The following MOB4 variants were observed in gnomAD, a reference collection of about 807,000 sequenced individuals.
MOB4 encodes the protein MOB-like protein phocein.
Under a neutral mutation model 32.2 loss-of-function variants are expected in MOB4, and 4 were observed. That is an observed-to-expected ratio of 0.12 (90% CI 0.06 to 0.28). MOB4 has a LOEUF of 0.28. Among genes scored for constraint, MOB4 ranks in the 10% least tolerant of loss-of-function variants. The probability of loss-of-function intolerance (pLI) is 1.00; values close to 1 mark genes in which losing one functional copy is unlikely to be tolerated. For synonymous variants in MOB4, 88 were observed against 88.1 expected (o/e 1.00, Z 0.01); for missense variants, 158 against 271.2 (o/e 0.58, Z 2.93).
intron 1 of MOB4, chr2:197,516,644 C>T (rs1361651256): frequency 2.1e-6 from 1 of 472,122 alleles, no homozygotes; most frequent in Admixed American, 2.3e-5. Flanking sequence ...TAGCCGGATC[C>T]GGGTGCCGAT....
intron 4 of MOB4, 76 bp from the exon 5 acceptor site, chr2:197,540,275 T>C: frequency 4.1e-6 from 6 of 1,475,704 alleles, no homozygotes; most frequent in Non-Finnish European, 5.4e-6. Context: ...GAATTTATTA[T>C]GGAAATATAG....
intron 3 of MOB4, among the ~76,000 whole-genome samples, chr2:197,538,173 C>T (rs1436665357): frequency 6.6e-6 from 1 of 151,398 alleles, no homozygotes; most frequent in Non-Finnish European, 1.5e-5. Flanking sequence ...ACATTTATCT[C>T]CCTATTTAAC....
intron 5 of MOB4, among the ~76,000 whole-genome samples, chr2:197,544,106 T>C (rs1043318543): frequency 6.6e-6 from 1 of 151,958 alleles, no homozygotes; most frequent in South Asian, 2.1e-4. Context: ...GGAGTTTCAC[T>C]CTGTTGCCCA....
In MOB4 at chr2:197,540,456, G is replaced by T; in HGVS notation, c.354+19G>T. ...AAAAGAGGTGAGGATTTATGAAATA[G>T]AGTAACTAATAAAATTATTATAGCC... On this transcript the variant is annotated intron_variant, in intron 5 of 7. Coordinates refer to ENST00000323303, the MANE Select transcript of MOB4 (RefSeq NM_015387.5). The T allele has an allele frequency of 6.4e-7, 1 of 1,550,536 alleles. No homozygotes were observed. Among genetic ancestry groups the T allele is most frequent in the South Asian group, 1.3e-5 (1 of 79,160 alleles).
In MOB4 at chr2:197,540,169, AG is replaced by A; in HGVS notation, c.267+17del. The A allele has an allele frequency of 6.2e-7, 1 of 1,602,256 alleles. No individual in the cohort carries two copies. Among genetic ancestry groups the A allele is most frequent in the Non-Finnish European group, 8.5e-7 (1 of 1,174,292 alleles). ...CAAACTTCAGGTAATATTTTCTTTAAGTCAAAGTTATAATTGAAAGTTCTGA... is the reference window on the plus strand; with the variant it reads ...CAAACTTCAGGTAATATTTTCTTTAATCAAAGTTATAATTGAAAGTTCTGA... On this transcript the variant is annotated intron_variant, in intron 4 of 7. Coordinates refer to ENST00000323303, the MANE Select transcript of MOB4 (RefSeq NM_015387.5).
In MOB4 at chr2:197,516,079, C is replaced by T. The variant is rs867257424; in HGVS notation, c.-8C>T. The T allele has an allele frequency of 1.9e-6, 3 of 1,590,940 alleles. No homozygotes were observed. The highest frequency in any genetic ancestry group is 2.6e-6 in the Non-Finnish European group (3 of 1,170,048). On this transcript the variant is annotated 5_prime_UTR_variant, in exon 1 of 8. Coordinates refer to ENST00000323303, the MANE Select transcript of MOB4 (RefSeq NM_015387.5). ...GGTACCGACTCCAGCCGCCTAGACG[C>T]TGGCACTATGGTCATGGCGGAGGGG... is the stretch of plus-strand genomic sequence containing the variant.
chr2:197,539,027 C>T (rs774690976), intron 3 of MOB4, among the ~76,000 whole-genome samples: 2 of 152,030 alleles, frequency 1.3e-5, no homozygotes, highest in Admixed American at 1.3e-4. Context: ...CAAATTTGTT[C>T]ACATATATCC....
In MOB4 at chr2:197,545,689, T is replaced by C. The variant is rs546609847; in HGVS notation, c.355-2647T>C. ...GAAGCCAGACACAAAATGCCACTTA[T>C]TATATTATTTCATTTTAATGAAATA... is the stretch of plus-strand genomic sequence containing the variant. On this transcript the variant is annotated intron_variant, in intron 5 of 7. Transcript: ENST00000323303. Among the ~76,000 whole-genome samples the C allele has an allele frequency of 3.0e-4, 46 of 152,324 alleles. 1 individual carries two copies. In the South Asian group the frequency reaches 3.1e-3, roughly 10 times the overall value.
chr2:197,531,818 T>C (rs1464748132), intron 2 of MOB4, among the ~76,000 whole-genome samples: 3 of 151,876 alleles, frequency 2.0e-5, no homozygotes, highest in Non-Finnish European at 2.9e-5. Flanking sequence ...GCTAGGATTA[T>C]AGGCAGGAGC....
chr2:197,538,574 T>TG, intron 3 of MOB4, among the ~76,000 whole-genome samples: 1 of 152,198 alleles, frequency 6.6e-6, no homozygotes, highest in East Asian at 1.9e-4. Flanking sequence ...TCCGGATACA[T>TG]GCGTGGTGAC....
At chr2:197,527,252 C>G (rs181236919) in intron 2 of MOB4, among the ~76,000 whole-genome samples, 1 of 152,014 alleles carries the variant, frequency 6.6e-6, no homozygotes, top group Admixed American at 6.6e-5. Flanking sequence ...GACATCTTAA[C>G]GATATTAAGC....
chr2:197,528,079 G>A (rs1279697001), intron 2 of MOB4, among the ~76,000 whole-genome samples: 3 of 152,044 alleles, frequency 2.0e-5, no homozygotes, highest in Non-Finnish European at 2.9e-5. Context: ...ATATGGTTGA[G>A]TCATATTTCT....
chr2:197,517,300 T>G (rs1157752392), intron 1 of MOB4, among the ~76,000 whole-genome samples: 1 of 152,192 alleles, frequency 6.6e-6, no homozygotes, highest in Non-Finnish European at 1.5e-5. Flanking sequence ...TCAGAGAAAA[T>G]TTTAAAGTCT....
intron 3 of MOB4, among the ~76,000 whole-genome samples, chr2:197,538,047 G>T (rs2086833084): frequency 6.6e-6 from 1 of 152,018 alleles, no homozygotes; most frequent in South Asian, 2.1e-4. Flanking sequence ...CAAAGTGCTG[G>T]GATTACAGGC....
chr2:197,538,339 C>T (rs1330452026), intron 3 of MOB4, among the ~76,000 whole-genome samples: 1 of 145,986 alleles, frequency 6.8e-6, no homozygotes, highest in East Asian at 2.0e-4. Flanking sequence ...CGTATATATT[C>T]TTTTATCTCT....
chr2:197,522,709 A>G (rs1225208326), intron 1 of MOB4, among the ~76,000 whole-genome samples: 1 of 152,004 alleles, frequency 6.6e-6, no homozygotes, highest in Non-Finnish European at 1.5e-5. Context: ...AATAATTTAT[A>G]ATTTCTTTTT....
At position 197,553,106 on chromosome 2, in the gene MOB4, T is replaced by G. The variant is rs1298060774; in HGVS notation, c.*2460T>G. ...TAGAACAGTTTCTCAGTTAAATTCT[T>G]GATGACTTAACAACTTTTACTATCA... On this transcript the variant is annotated 3_prime_UTR_variant, in exon 8 of 8. Transcript: ENST00000323303. 6.6e-6 allele frequency: 1 copy of G among 152,210 alleles called. No homozygotes were observed. The highest frequency in any genetic ancestry group is 1.5e-5 in the Non-Finnish European group (1 of 68,042). The allele number at this position is 152,210 out of a possible 1,614,324, so 9.4% of individuals were successfully genotyped here.
At chr2:197,528,616 C>CTTTTTTTTTTTT (rs60927398) in intron 2 of MOB4, among the ~76,000 whole-genome samples, 30 of 131,670 alleles carry the variant, frequency 2.3e-4, no homozygotes, top group African/African-American at 2.4e-4. Context: ...TTTTCTTTTT[C>CTTTTTTTTTTTT]TTTTTTTTTT....
intron 1 of MOB4, among the ~76,000 whole-genome samples, chr2:197,519,869 G>A (rs1372592563): frequency 6.6e-6 from 1 of 152,126 alleles, no homozygotes. Context: ...AAAAATTTTA[G>A]AATTGCTCTT....
Sources: allele counts gnomAD v4.1 joint callset (sites outside exome capture counted in the v4.1 genomes callset), GRCh38; gene constraint gnomAD v4.1.1; transcripts MANE v1.5; gene names NCBI Gene and HGNC (gene_info 2026-07-23, HGNC 2026-07-21).